PWWP2A: variants seen among roughly 807,000 people sequenced by gnomAD.
PWWP2A encodes the protein PWWP domain-containing protein 2A.
In PWWP2A, 18 loss-of-function variants were observed where a neutral mutation model predicts 48.5. The observed-to-expected ratio is 0.37, with a 90% CI of 0.26 to 0.55. The LOEUF (loss-of-function observed/expected upper bound fraction) is 0.55, where lower values mean the gene tolerates loss of function less well. PWWP2A is among the 20% of genes least tolerant of loss of function. The pLI is 0.81. For synonymous variants in PWWP2A, 396 were observed against 387.7 expected (o/e 1.02, Z -0.25); for missense variants, 867 against 976.4 (o/e 0.89, Z 1.49).
intron 1 of PWWP2A, among the ~76,000 whole-genome samples, chr5:160,109,300 G>C (rs1410516360): frequency 6.6e-6 from 1 of 150,930 alleles, no homozygotes; most frequent in Non-Finnish European, 1.5e-5. Context: ...GCATTTTCGA[G>C]CATAAACCCT....
At chr5:160,100,694 G>C (rs1756181108) in intron 1 of PWWP2A, among the ~76,000 whole-genome samples, 1 of 152,222 alleles carries the variant, frequency 6.6e-6, no homozygotes, top group African/African-American at 2.4e-5. Context: ...ACAAACAGCA[G>C]CAAACTAAAT....
In PWWP2A at chr5:160,118,884, T is replaced by C. The variant is rs199993544; in HGVS notation, c.505A>G (p.Ile169Val). Residue 169 changes from isoleucine (I) to valine (V), a missense_variant, in exon 1 of 2, where the codon ATC (isoleucine) becomes GTC (valine). By Grantham distance (29) the Ile-to-Val change is conservative. Around this residue, in one of 4 missense-constraint regions of PWWP2A, gnomAD observed 385 missense variants for 396.9 expected, o/e 0.97. Coordinates refer to ENST00000307063, the MANE Select transcript of PWWP2A (RefSeq NM_001130864.2). Reference protein sequence around the residue: ...GSEVRVTLDHIIEDALVVSFR... With the variant: ...GSEVRVTLDHVIEDALVVSFR... The stretch of plus-strand genomic sequence containing the variant: ...GACACGACAAGCGCGTCCTCAATGA[T>C]GTGGTCCAGCGTGACCCGCACCTCC... 9.4e-6 allele frequency: 15 copies of C among 1,599,210 alleles called. No homozygotes were observed. The East Asian group carries it at 2.8e-4, about 30-fold the overall frequency.
intron 3 of PWWP2A, chr5:160,066,696 T>TA (rs945790683): frequency 6.6e-5 from 10 of 152,178 alleles, no homozygotes; most frequent in Admixed American, 2.0e-4. Context: ...TAGAAAGTGT[T>TA]AAAGTAATCC....
At chr5:160,100,759 G>T (rs942099248) in intron 1 of PWWP2A, among the ~76,000 whole-genome samples, 1 of 152,196 alleles carries the variant, frequency 6.6e-6, no homozygotes, top group Non-Finnish European at 1.5e-5. Flanking sequence ...TCATCTCTTT[G>T]TGAGACTGGT....
chr5:160,080,760 T>A, exon 3 of PWWP2A: 3 of 1,557,818 alleles, frequency 1.9e-6, no homozygotes, highest in Non-Finnish European at 2.6e-6. Context: ...ATAGCTGCCA[T>A]TTGTTGAGAC....
At chr5:160,086,194 TG>T (rs1754623727) in intron 2 of PWWP2A, among the ~76,000 whole-genome samples, 1 of 152,156 alleles carries the variant, frequency 6.6e-6, no homozygotes, top group African/African-American at 2.4e-5. Flanking sequence ...TTCTTTTTAA[TG>T]ATACTTTACA....
chr5:160,113,165 A>G (rs1331019997), intron 1 of PWWP2A: 1 of 955,528 alleles, frequency 1.0e-6, no homozygotes, highest in East Asian at 1.2e-4. Flanking sequence ...TGTCAAAAAA[A>G]AAAAAGAAAA....
chr5:160,094,849 C>T (rs1301457042), intron 1 of PWWP2A, among the ~76,000 whole-genome samples: 1 of 151,624 alleles, frequency 6.6e-6, no homozygotes, highest in Non-Finnish European at 1.5e-5. Context: ...AGATCGAGAC[C>T]ATCCTGGCGA....
At chr5:160,049,422 C>G in the PWWP2A span, 1 of 1,222,730 alleles carries the variant, frequency 8.2e-7, no homozygotes, top group Non-Finnish European at 1.1e-6. Flanking sequence ...CTTTCGTATC[C>G]TTGGAGGATG....
chr5:160,119,085 A>T lies in PWWP2A; in HGVS notation c.304T>A (p.Ser102Thr). Residue 102 changes from serine (S) to threonine (T), a missense_variant, in exon 1 of 2, where the codon TCG becomes ACG. By Grantham distance (58) the Ser-to-Thr change is moderately conservative (BLOSUM62 1). Around this residue, in one of 4 missense-constraint regions of PWWP2A, gnomAD observed 385 missense variants for 396.9 expected, o/e 0.97. Coordinates refer to ENST00000307063, the MANE Select transcript of PWWP2A (RefSeq NM_001130864.2). ...CCTCCCTGAGGCGCGGCTGCCGCCG[A>T]CTCCGCCACCCGAACGGACAGTTTC... ...EEKLSVRVAE[S>T]AAAAPQGGPE... The T allele has an allele frequency of 6.3e-7, 1 of 1,587,288 alleles. No homozygotes were observed. The highest frequency in any genetic ancestry group is 8.5e-7 in the Non-Finnish European group (1 of 1,175,708).
chr5:160,047,548 C>T, the PWWP2A span, among the ~76,000 whole-genome samples: 1 of 152,200 alleles, frequency 6.6e-6, no homozygotes, highest in Non-Finnish European at 1.5e-5. Context: ...CTTGCCCCAC[C>T]CGCCAACACT....
At chr5:160,047,529 G>A in the PWWP2A span, among the ~76,000 whole-genome samples, 1 of 152,184 alleles carries the variant, frequency 6.6e-6, no homozygotes, top group East Asian at 1.9e-4. Flanking sequence ...TGATCTCACA[G>A]CTTTCAGTCT....
chr5:160,078,662 T>A lies in PWWP2A; in HGVS notation c.1670-494A>T, dbSNP rs1257719121. On this transcript the variant is annotated intron_variant, in intron 3 of 3. Transcript: ENST00000456329. This position sits in a 1 kb window ranked among gnomAD's most constrained non-coding sequence, Gnocchi z 4.2. ...AGGCTATGTACAAATCAGCAGCAGG[T>A]CACACTGTCCACATACTTGCAAAGA... 6.6e-6 allele frequency among the ~76,000 whole-genome samples: 1 copy of A among 152,064 alleles called. No individual in the cohort carries two copies. The highest frequency in any genetic ancestry group is 1.5e-5 in the Non-Finnish European group (1 of 68,010).
intron 1 of PWWP2A, among the ~76,000 whole-genome samples, chr5:160,100,063 G>A (rs1181713234): frequency 2.0e-5 from 3 of 152,034 alleles, no homozygotes; most frequent in East Asian, 2.0e-4. Context: ...CACTTTGGGA[G>A]GCCAAGGCAG....
At chr5:160,051,301 C>T in the PWWP2A span, 1 of 762,560 alleles carries the variant, frequency 1.3e-6, no homozygotes. Context: ...CACAAGGCTA[C>T]TGACTTCTGA....
chr5:160,086,328 G>A (rs1289169054), intron 2 of PWWP2A, among the ~76,000 whole-genome samples: 1 of 151,922 alleles, frequency 6.6e-6, no homozygotes, highest in Non-Finnish European at 1.5e-5. Flanking sequence ...AGACCAGCCT[G>A]GGCAACATAG....
intron 1 of PWWP2A, chr5:160,108,476 G>C: frequency 1.6e-6 from 1 of 639,218 alleles, no homozygotes; most frequent in Non-Finnish European, 2.5e-6. Flanking sequence ...AATCATTCAA[G>C]CATACTACTT....
intron 5 of PWWP2A, among the ~76,000 whole-genome samples, chr5:160,062,826 C>G (rs921782682): frequency 2.0e-5 from 3 of 151,996 alleles, no homozygotes; most frequent in African/African-American, 7.2e-5. Context: ...TTCCCCCTTC[C>G]TGTCCTCTTT....
chr5:160,067,086 C>A (rs1753630067), intron 2 of PWWP2A, among the ~76,000 whole-genome samples: 2 of 151,990 alleles, frequency 1.3e-5, no homozygotes, highest in African/African-American at 4.8e-5. Context: ...GAAAAATCTT[C>A]CAACTCAAAG....
Sources: gnomAD v4.1 joint callset for allele counts (sites outside exome capture counted in the v4.1 genomes callset) on GRCh38, gnomAD v4.1.1 for gene constraint, gnomAD v4.1.1 regional missense constraint, Gnocchi (gnomAD v3.1) non-coding constraint, MANE v1.5 for transcripts, NCBI Gene and HGNC (gene_info 2026-07-23, HGNC 2026-07-21) for gene names.